Variants in SFT2D1 observed in about 807,000 individuals in gnomAD.
SFT2D1 encodes SFT2 domain containing 1, also known as vesicle transport protein SFT2A.
SFT2D1 carries 24 observed loss-of-function variants against 28.1 expected under a neutral mutation model. The ratio of observed to expected loss-of-function variants is 0.85; its 90% confidence interval spans 0.62 to 1.20. The LOEUF is 1.20. SFT2D1 is among the 50% of genes most tolerant of loss of function. The pLI is 0.00. For missense variants in SFT2D1, 181 were observed against 190.9 expected (o/e 0.95, Z 0.31); for synonymous variants, 82 against 73.7 (o/e 1.11, Z -0.58).
intron 7 of SFT2D1, among the ~76,000 whole-genome samples, chr6:166,321,243 C>T (rs1387883539): frequency 6.6e-6 from 1 of 152,168 alleles, no homozygotes; most frequent in African/African-American, 2.4e-5. Context: ...ATACTTCATT[C>T]ATTAAAAAAG....
intron 1 of SFT2D1, among the ~76,000 whole-genome samples, chr6:166,340,372 CA>C (rs1209381838): frequency 6.6e-6 from 1 of 152,228 alleles, no homozygotes; most frequent in African/African-American, 2.4e-5. Flanking sequence ...CTTCCTATCA[CA>C]CTCAGAGTAA....
chr6:166,328,226 A>G, intron 4 of SFT2D1, 50 bp downstream of exon 4: 3 of 1,114,482 alleles, frequency 2.7e-6, no homozygotes, highest in Non-Finnish European at 3.8e-6. Flanking sequence ...GTAAAATAAC[A>G]GTGCAAAGAA....
chr6:166,322,676 T>A (rs1364466507), intron 7 of SFT2D1, among the ~76,000 whole-genome samples, 181 bp downstream of exon 7: 1 of 123,106 alleles, frequency 8.1e-6, no homozygotes, highest in African/African-American at 3.2e-5. Context: ...GGCGACACAG[T>A]GAGACTCTGT....
At chr6:166,338,188 T>C (rs116534818) in intron 1 of SFT2D1, among the ~76,000 whole-genome samples, 2,112 of 152,322 alleles carry the variant, frequency 0.014, 51 homozygotes, top group African/African-American at 0.048. Flanking sequence ...TTAGTAGGAC[T>C]CCCACAAGAG....
intron 3 of SFT2D1, 137 bp downstream of exon 3, chr6:166,329,370 T>G: frequency 4.5e-6 from 3 of 669,096 alleles, no homozygotes; most frequent in Non-Finnish European, 7.6e-6. Flanking sequence ...AATACATATT[T>G]ATTTAATGAA....
At chr6:166,341,862 T>A (rs1275133102) in intron 1 of SFT2D1, among the ~76,000 whole-genome samples, 2 of 151,718 alleles carry the variant, frequency 1.3e-5, no homozygotes. Context: ...CAGGGCTCAC[T>A]GCCTTAACAG....
At chr6:166,336,323 C>CA (rs1459153606) in intron 1 of SFT2D1, among the ~76,000 whole-genome samples, 1 of 152,184 alleles carries the variant, frequency 6.6e-6, no homozygotes, top group Non-Finnish European at 1.5e-5. Flanking sequence ...CAAGCAAAGT[C>CA]ACAGAATTAT....
At chr6:166,329,698 A>C (rs1778515541) in intron 2 of SFT2D1, 109 bp from the exon 3 acceptor site, 1 of 865,330 alleles carries the variant, frequency 1.2e-6, no homozygotes, top group Non-Finnish European at 1.7e-6. Context: ...ATATGTTTAA[A>C]TACAAATCTG....
intron 4 of SFT2D1, among the ~76,000 whole-genome samples, chr6:166,326,740 C>T (rs1256148763): frequency 6.6e-6 from 1 of 152,212 alleles, no homozygotes; most frequent in African/African-American, 2.4e-5. Flanking sequence ...GCAAATCAAA[C>T]CACGCAAAGT....
intron 1 of SFT2D1, among the ~76,000 whole-genome samples, chr6:166,336,737 T>A (rs187551023): frequency 3.3e-5 from 5 of 152,314 alleles, no homozygotes; most frequent in African/African-American, 4.8e-5. Context: ...GCTCAACTAA[T>A]TTTTTAATTT....
At chr6:166,332,514 C>A (rs1778570537) in intron 1 of SFT2D1, among the ~76,000 whole-genome samples, 1 of 152,200 alleles carries the variant, frequency 6.6e-6, no homozygotes, top group South Asian at 2.1e-4. Flanking sequence ...CTCGGTCTCC[C>A]AAAGTGCTGG....
At chr6:166,322,835 G>A in intron 7 of SFT2D1, 22 bp downstream of exon 7, 2 of 1,596,704 alleles carry the variant, frequency 1.3e-6, no homozygotes, top group South Asian at 1.1e-5. Flanking sequence ...CCAGAAAGAA[G>A]ACAAGATTCA....
chr6:166,323,734 T>C (rs1238555203), intron 6 of SFT2D1: 5 of 152,228 alleles, frequency 3.3e-5, no homozygotes, highest in Admixed American at 6.5e-5. Flanking sequence ...TCTGAAATGA[T>C]AGGAACTAGA....
At chr6:166,329,343 G>C (rs560601282) in intron 3 of SFT2D1, among the ~76,000 whole-genome samples, 164 bp downstream of exon 3, 4 of 152,150 alleles carry the variant, frequency 2.6e-5, no homozygotes, top group Non-Finnish European at 5.9e-5. Context: ...TATGGGAGAC[G>C]GCATACAGCA....
Position 166,324,615 on chromosome 6 carries a change from A to G in SFT2D1, c.352-20T>C, listed in dbSNP as rs771334389. The G allele has an allele frequency of 6.2e-7, 1 of 1,602,714 alleles. No individual in the cohort carries two copies. The highest frequency in any genetic ancestry group is 2.2e-5 in the East Asian group (1 of 44,644). ...ATGCCACTAACAACAGCAAAAACAG[A>G]GCAATTATGAGTTTCAAAGTTTTAA... On this transcript the variant is annotated intron_variant, in intron 5 of 7. Transcript: ENST00000361731.
chr6:166,320,689 T>C (rs2114886086), intron 7 of SFT2D1, among the ~76,000 whole-genome samples: 1 of 151,974 alleles, frequency 6.6e-6, no homozygotes, highest in Admixed American at 6.5e-5. Flanking sequence ...TTTTTTTTTT[T>C]TTTTTTTAAT....
chr6:166,327,379 C>G (rs1778465326), intron 4 of SFT2D1, among the ~76,000 whole-genome samples: 1 of 152,278 alleles, frequency 6.6e-6, no homozygotes, highest in East Asian at 1.9e-4. Flanking sequence ...AACAACCTTA[C>G]TAGCCAAAGT....
At chr6:166,322,545 T>C (rs1778374782) in intron 7 of SFT2D1, among the ~76,000 whole-genome samples, 1 of 151,682 alleles carries the variant, frequency 6.6e-6, no homozygotes, top group Admixed American at 6.6e-5. Context: ...ACAAAAAAAT[T>C]AGCCGGGCAT....
chr6:166,326,888 C>G (rs753219613), intron 4 of SFT2D1, among the ~76,000 whole-genome samples: 5 of 152,140 alleles, frequency 3.3e-5, no homozygotes, highest in Admixed American at 1.3e-4. Flanking sequence ...TAACTAAAAT[C>G]TTAGTGGAAT....
Sources: gnomAD v4.1 joint callset for allele counts (sites outside exome capture counted in the v4.1 genomes callset) on GRCh38, gnomAD v4.1.1 for gene constraint, MANE v1.5 for transcripts, NCBI Gene and HGNC (gene_info 2026-07-23, HGNC 2026-07-21) for gene names.